A4GNT: variants seen among roughly 807,000 people sequenced by gnomAD.
A4GNT encodes the protein alpha-1,4-N-acetylglucosaminyltransferase.
In A4GNT, 6 loss-of-function variants were observed where a neutral mutation model predicts 8.3. That is an observed-to-expected ratio of 0.72 (90% CI 0.39 to 1.42). The LOEUF (loss-of-function observed/expected upper bound fraction) is 1.42. Ranked by LOEUF, A4GNT falls within the 40% of genes most tolerant of loss-of-function variation. The pLI, the probability that A4GNT is intolerant of heterozygous loss-of-function variation, is 0.02. For synonymous variants in A4GNT, 157 were observed against 159.8 expected (o/e 0.98, Z 0.13); for missense variants, 377 against 417.0 (o/e 0.90, Z 0.84).
Position 138,131,025 on chromosome 3 carries a change from A to G in A4GNT, c.232T>C (p.Tyr78His). Residue 78 changes from tyrosine (Y) to histidine (H), a missense_variant, in exon 2 of 3, where the codon TAT becomes CAT. Coordinates refer to ENST00000236709, the MANE Select transcript of A4GNT (RefSeq NM_016161.3). ...AAGAACACCACAGGCCACTCAGGAT[A>G]AATCTTGGCAGCAGACTCTACGGAA... is the stretch of plus-strand genomic sequence containing the variant. ...SCSVESAAKI[Y>H]PEWPVVFFMK... 6.2e-7 allele frequency: 1 copy of G among 1,614,156 alleles called. No homozygotes were observed. The highest frequency in any genetic ancestry group is 1.6e-4 in the Middle Eastern group (1 of 6,062).
rs766765241 is a variant in A4GNT, at chr3:138,124,533, T to C, written c.754A>G (p.Ile252Val). The stretch of plus-strand genomic sequence containing the variant: ...AATCTTTGGGGGTGTAAGAAGGATA[T>C]GTTCAGACACCTGAGGTCGCTCACC... ...QEVSDLRCLN[I>V]SFLHPQRFYP... Residue 252 changes from isoleucine (I) to valine (V), a missense_variant, in exon 3 of 3, where the codon ATA becomes GTA. Ile to Val is a conservative substitution (Grantham distance 29). Transcript: ENST00000236709. The C allele has an allele frequency of 4.3e-6, 7 of 1,614,104 alleles. No individual in the cohort carries two copies. The Admixed American group carries it at 6.7e-5, about 15-fold the overall frequency.
rs900492171 is a variant in A4GNT, at chr3:138,130,710, G to T, written c.408+139C>A. 3 of 842,404 alleles carry T rather than the reference G, an allele frequency of 3.6e-6. No individual in the cohort carries two copies. The African/African-American group carries it at 5.2e-5, about 14-fold the overall frequency. 52.2% of individuals were successfully genotyped at this position (842,404 alleles called of 1,614,324 possible). ...AAGTCTTCCCTCTTTATTTGAATCAGTTCTCAACATGGTAAAAAGAGGGCC... is the reference window on the plus strand; with the variant it reads ...AAGTCTTCCCTCTTTATTTGAATCATTTCTCAACATGGTAAAAAGAGGGCC... On this transcript the variant is annotated intron_variant, in intron 2 of 2. Coordinates refer to ENST00000236709, the MANE Select transcript of A4GNT (RefSeq NM_016161.3).
chr3:138,131,731 C>T (rs140239021), intron 1 of A4GNT, among the ~76,000 whole-genome samples: 1 of 152,120 alleles, frequency 6.6e-6, no homozygotes, highest in East Asian at 1.9e-4. Context: ...GAAGAAAAGC[C>T]ATATGATCAT....
At chr3:138,130,595 T>C (rs2042770250) in intron 2 of A4GNT, among the ~76,000 whole-genome samples, 1 of 152,064 alleles carries the variant, frequency 6.6e-6, no homozygotes, top group African/African-American at 2.4e-5. Flanking sequence ...TAAAAACTCA[T>C]TCAGTTAAGA....
rs2042782883 is a variant in A4GNT, at chr3:138,132,302, A to T, written c.-117T>A. 6.6e-6 allele frequency: 1 copy of T among 152,226 alleles called. No homozygotes were observed. Among genetic ancestry groups the T allele is most frequent in the Non-Finnish European group, 1.5e-5 (1 of 68,038 alleles). The allele number at this position is 152,226 out of a possible 1,614,324, so 9.4% of individuals were successfully genotyped here. A position where few individuals can be genotyped will look rare whatever the true frequency, so the allele number is the denominator to read the frequency against. The stretch of plus-strand genomic sequence containing the variant: ...CAGGTCTATCTTTCAAATTACATAT[A>T]ACCCTTTTAGAAAATACAAAACAGT... On this transcript the variant is annotated 5_prime_UTR_variant, in exon 1 of 3. Transcript: ENST00000236709.
At chr3:138,125,531 A>G (rs1413646369) in intron 2 of A4GNT, among the ~76,000 whole-genome samples, 1 of 152,216 alleles carries the variant, frequency 6.6e-6, no homozygotes, top group African/African-American at 2.4e-5. Flanking sequence ...TGCTGACAAC[A>G]ACTATGAAGA....
intron 2 of A4GNT, among the ~76,000 whole-genome samples, chr3:138,129,239 A>T (rs921274476): frequency 6.6e-6 from 1 of 152,182 alleles, no homozygotes; most frequent in Non-Finnish European, 1.5e-5. Context: ...ATGTTACCTT[A>T]TATGGGAAAA....
intron 2 of A4GNT, among the ~76,000 whole-genome samples, chr3:138,130,521 GT>G (rs2042769792): frequency 6.6e-6 from 1 of 151,738 alleles, no homozygotes; most frequent in South Asian, 2.1e-4. Context: ...AAAAAATAAA[GT>G]TTAACATAAG....
In A4GNT at chr3:138,124,001, C is replaced by A; in HGVS notation, c.*263G>T. On this transcript the variant is annotated 3_prime_UTR_variant, in exon 3 of 3. Coordinates refer to ENST00000236709, the MANE Select transcript of A4GNT (RefSeq NM_016161.3). ...TCTTCACAAAATAAAGCAAGTGCAC[C>A]TTTCCTCTTTTCTTCATCCTACTGC... 1 of 430,732 alleles carries A rather than the reference C, an allele frequency of 2.3e-6. No homozygotes were observed. The highest frequency in any genetic ancestry group is 4.0e-5 in the Admixed American group (1 of 25,060). 26.7% of individuals were successfully genotyped at this position (430,732 alleles called of 1,614,324 possible). A position where few individuals can be genotyped will look rare whatever the true frequency, so the allele number is the denominator to read the frequency against.
chr3:138,125,446 G>A (rs2042739936), intron 2 of A4GNT, among the ~76,000 whole-genome samples: 1 of 152,178 alleles, frequency 6.6e-6, no homozygotes, highest in South Asian at 2.1e-4. Flanking sequence ...AAACTGCTAA[G>A]GATACAGCAG....
In A4GNT at chr3:138,132,207, G is replaced by A. The variant is rs529837151; in HGVS notation, c.-27+5C>T. 4.6e-5 allele frequency: 7 copies of A among 152,290 alleles called. No homozygotes were observed. The East Asian group carries it at 7.7e-4, about 17-fold the overall frequency. The allele number at this position is 152,290 out of a possible 1,614,324, so 9.4% of individuals were successfully genotyped here. A position where few individuals can be genotyped will look rare whatever the true frequency, so the allele number is the denominator to read the frequency against. ...GCCACCAAAGTCCAGGCTCTGAACCGTTACCTGCAGTGCTTTCCTCACCAA... is the reference window on the plus strand; with the variant it reads ...GCCACCAAAGTCCAGGCTCTGAACCATTACCTGCAGTGCTTTCCTCACCAA... On this transcript the variant is annotated splice_donor_5th_base_variant and intron_variant, in intron 1 of 2. Transcript: ENST00000236709.
upstream of A4GNT, among the ~76,000 whole-genome samples, chr3:138,133,158 C>A (rs565161254): frequency 6.6e-6 from 1 of 152,244 alleles, no homozygotes; most frequent in South Asian, 2.1e-4. Context: ...TAGGCCTGCT[C>A]CTGAGCAGAC....
chr3:138,126,856 C>A (rs988019633), intron 2 of A4GNT, among the ~76,000 whole-genome samples: 1 of 148,504 alleles, frequency 6.7e-6, no homozygotes, highest in South Asian at 2.2e-4. Flanking sequence ...ATAAGCCGGG[C>A]GTGGGTGGCT....
In A4GNT at chr3:138,123,887, T is replaced by A. The variant is rs1228735847; in HGVS notation, c.*377A>T. The A allele has an allele frequency of 2.2e-5, 4 of 184,444 alleles. No homozygotes were observed. The highest frequency in any genetic ancestry group is 5.6e-5 in the Admixed American group (1 of 17,974). 11.4% of individuals were successfully genotyped at this position (184,444 alleles called of 1,614,324 possible). ...GCTGCCTATCCCAGTACCCATTTTTTCTTCCTCCTTAAACTTCCCAGCCTC... is the reference window on the plus strand; with the variant it reads ...GCTGCCTATCCCAGTACCCATTTTTACTTCCTCCTTAAACTTCCCAGCCTC... On this transcript the variant is annotated 3_prime_UTR_variant, in exon 3 of 3. Coordinates refer to ENST00000236709, the MANE Select transcript of A4GNT (RefSeq NM_016161.3).
chr3:138,130,922 T>G lies in A4GNT; in HGVS notation c.335A>C (p.Asp112Ala). 1 of 1,614,124 alleles carries G rather than the reference T, an allele frequency of 6.2e-7. No homozygotes were observed. The highest frequency in any genetic ancestry group is 8.5e-7 in the Non-Finnish European group (1 of 1,180,026). Residue 112 changes from aspartate (D) to alanine (A), a missense_variant, in exon 2 of 3, where the codon GAC (aspartate) becomes GCC (alanine). By Grantham distance (126) the Asp-to-Ala change is moderately radical. Transcript: ENST00000236709. ...YPAFSFLSAI[D>A]NVFLFPLDMK... ...ATCCAAAGGGAAGAGGAAAACGTTG[T>G]CTATTGCTGACAGGAAGGAAAAAGC...
intron 2 of A4GNT, among the ~76,000 whole-genome samples, chr3:138,127,711 GGCTACAATA>G (rs1321006867): frequency 6.6e-6 from 1 of 152,098 alleles, no homozygotes; most frequent in Non-Finnish European, 1.5e-5. Flanking sequence ...CATCATCAAG[GGCTACAATA>G]GCCCAGATCA....
In A4GNT at chr3:138,131,070, G is replaced by A; in HGVS notation, c.187C>T (p.Pro63Ser). The A allele has an allele frequency of 1.9e-6, 3 of 1,613,690 alleles. No individual in the cohort carries two copies. The highest frequency in any genetic ancestry group is 2.5e-6 in the Non-Finnish European group (3 of 1,179,656). Residue 63 changes from proline (P) to serine (S), a missense_variant, in exon 2 of 3, where the codon CCA becomes TCA. Transcript: ENST00000236709. ...VFLETSERME[P>S]PHLVSCSVES... The stretch of plus-strand genomic sequence containing the variant: ...ACGGAACAGGAGACCAAATGGGGTG[G>A]CTCCATTCTCTCTGAGGTCTCTAGA...
rs199819446 is a variant in A4GNT at position 138,130,888 on chromosome 3, C to A, written c.369G>T (p.Arg123Ser). The A allele has an allele frequency of 2.7e-4, 437 of 1,614,096 alleles. 1 individual carries two copies. The highest frequency in any genetic ancestry group is 1.1e-4 in the Non-Finnish European group (124 of 1,180,016). ...NVFLFPLDMK[R>S]LLEDTPLFSW... ...AAAACAATGGTGTGTCTTCAAGCAGCCTTTTCATATCCAAAGGGAAGAGGA... is the reference window on the plus strand; with the variant it reads ...AAAACAATGGTGTGTCTTCAAGCAGACTTTTCATATCCAAAGGGAAGAGGA... The change falls in exon 2 of 3, where the codon AGG (arginine) becomes AGT (serine). Residue 123 changes from arginine to serine, a missense_variant. By Grantham distance (110) the Arg-to-Ser change is moderately radical. Transcript: ENST00000236709.
intron 2 of A4GNT, among the ~76,000 whole-genome samples, chr3:138,128,433 C>T (rs973300442): frequency 5.3e-5 from 8 of 151,428 alleles, no homozygotes; most frequent in African/African-American, 1.9e-4. Context: ...CAGGAGTAGG[C>T]GCATCACATG....
Sources: allele counts gnomAD v4.1 joint callset (sites outside exome capture counted in the v4.1 genomes callset), GRCh38; gene constraint gnomAD v4.1.1; transcripts MANE v1.5; gene names NCBI Gene and HGNC (gene_info 2026-07-23, HGNC 2026-07-21).